CDKAL1: variants seen among roughly 807,000 people sequenced by gnomAD.
CDKAL1 encodes threonylcarbamoyladenosine tRNA methylthiotransferase.
Under a neutral mutation model 68.2 loss-of-function variants are expected in CDKAL1, and 32 were observed. The observed-to-expected ratio is 0.47, with a 90% CI of 0.35 to 0.63. CDKAL1 has a LOEUF of 0.63. Ranked by LOEUF, CDKAL1 falls within the 30% of genes least tolerant of loss-of-function variation. The probability of loss-of-function intolerance (pLI) is 0.00; values close to 1 mark genes in which losing one functional copy is unlikely to be tolerated. For missense variants in CDKAL1, 606 were observed against 696.7 expected (o/e 0.87, Z 1.47); for synonymous variants, 234 against 244.3 (o/e 0.96, Z 0.39).
chr6:20,703,138 A>G (rs920565015), intron 5 of CDKAL1, among the ~76,000 whole-genome samples: 8 of 152,242 alleles, frequency 5.3e-5, no homozygotes, highest in Non-Finnish European at 8.8e-5. Context: ...GCTTCCTCAT[A>G]GCTTGGGTTG....
At chr6:21,146,015 C>CA (rs1776149284) in intron 13 of CDKAL1, among the ~76,000 whole-genome samples, 1 of 152,300 alleles carries the variant, frequency 6.6e-6, no homozygotes, top group South Asian at 2.1e-4. Flanking sequence ...TAGAATGTAA[C>CA]ATTTTTTAAT....
chr6:21,196,412 C>A (rs1778472218), intron 13 of CDKAL1, among the ~76,000 whole-genome samples: 2 of 152,088 alleles, frequency 1.3e-5, no homozygotes, highest in African/African-American at 2.4e-5. Context: ...GGGGAAATTT[C>A]TTTTTTTACA....
chr6:20,911,635 G>A (rs1334274115), intron 9 of CDKAL1, among the ~76,000 whole-genome samples: 2 of 152,178 alleles, frequency 1.3e-5, no homozygotes, highest in Admixed American at 6.6e-5. Flanking sequence ...AATAAACATG[G>A]TTAAATTTAA....
chr6:20,635,281 C>T (rs1767854258), intron 4 of CDKAL1, among the ~76,000 whole-genome samples: 1 of 152,084 alleles, frequency 6.6e-6, no homozygotes, highest in African/African-American at 2.4e-5. Context: ...TCCCTTTTTA[C>T]TCCGGGTGGT....
At chr6:20,806,998 T>C (rs1776599596) in intron 8 of CDKAL1, among the ~76,000 whole-genome samples, 1 of 152,206 alleles carries the variant, frequency 6.6e-6, no homozygotes, top group African/African-American at 2.4e-5. Flanking sequence ...CGTCACTAGA[T>C]ACTGATGAAA....
At chr6:21,100,023 A>G (rs1383152490) in intron 12 of CDKAL1, among the ~76,000 whole-genome samples, 1 of 152,194 alleles carries the variant, frequency 6.6e-6, no homozygotes, top group East Asian at 1.9e-4. Context: ...ACATCACTGA[A>G]TTAACACAGA....
chr6:20,674,921 C>G (rs1770018361), intron 5 of CDKAL1, among the ~76,000 whole-genome samples: 1 of 152,146 alleles, frequency 6.6e-6, no homozygotes, highest in Admixed American at 6.5e-5. Flanking sequence ...AGAGTTTTAT[C>G]AGGTGTGAGT....
At chr6:21,083,839 A>C (rs1356341055) in intron 12 of CDKAL1, among the ~76,000 whole-genome samples, 1 of 152,124 alleles carries the variant, frequency 6.6e-6, no homozygotes, top group Non-Finnish European at 1.5e-5. Flanking sequence ...AATGTCCCTC[A>C]ATTTGAGTTT....
At chr6:20,846,281 A>G in intron 9 of CDKAL1, 103 bp downstream of exon 9, 2 of 655,294 alleles carry the variant, frequency 3.1e-6, no homozygotes, top group Non-Finnish European at 5.2e-6. Flanking sequence ...TAGTTTTCTG[A>G]AGAGTTTTAC....
At chr6:21,086,090 A>G (rs933371684) in intron 12 of CDKAL1, among the ~76,000 whole-genome samples, 4 of 152,110 alleles carry the variant, frequency 2.6e-5, no homozygotes, top group African/African-American at 9.7e-5. Context: ...GGTGTTTTAT[A>G]TATGTTGTTT....
At chr6:20,618,483 T>C (rs576780182) in intron 4 of CDKAL1, among the ~76,000 whole-genome samples, 6 of 152,308 alleles carry the variant, frequency 3.9e-5, no homozygotes, top group African/African-American at 1.4e-4. Context: ...CGTGAAGTCC[T>C]TGCCCATGCC....
At chr6:20,928,817 G>A (rs1014080831) in intron 9 of CDKAL1, among the ~76,000 whole-genome samples, 1 of 150,908 alleles carries the variant, frequency 6.6e-6, no homozygotes, top group Non-Finnish European at 1.5e-5. Flanking sequence ...ATAGACATGA[G>A]CCACTGTGTC....
At chr6:20,540,027 AAG>A (rs1429218004) in intron 2 of CDKAL1, among the ~76,000 whole-genome samples, 2 of 151,740 alleles carry the variant, frequency 1.3e-5, no homozygotes, top group Non-Finnish European at 2.9e-5. Context: ...GGGTGACAGA[AAG>A]AGGGGAGTGC....
intron 5 of CDKAL1, among the ~76,000 whole-genome samples, chr6:20,717,437 T>C (rs188908749): frequency 6.6e-6 from 1 of 151,654 alleles, no homozygotes; most frequent in East Asian, 2.0e-4. Flanking sequence ...TCAGGCTTAC[T>C]GGGGAGTGAG....
rs912728430 is a variant in CDKAL1 at position 21,044,756 on chromosome 6, T to TC, written c.1056-20287dup. Among the ~76,000 whole-genome samples the TC allele has an allele frequency of 5.5e-4, 83 of 152,102 alleles. 3 individuals carry two copies. The highest frequency in any genetic ancestry group is 1.9e-3 in the African/African-American group (78 of 41,544). On this transcript the variant is annotated intron_variant, in intron 11 of 15. Transcript: ENST00000274695. ...TCTAAACCTCTGTAAGCTAGACATA[T>TC]CCCCCTTCCTTCTCAGAAGGTTGTT...
intron 13 of CDKAL1, among the ~76,000 whole-genome samples, chr6:21,117,376 G>T (rs75875868): frequency 1.3e-4 from 20 of 150,690 alleles, no homozygotes; most frequent in Admixed American, 1.2e-3. Context: ...GTTGGTTCTC[G>T]CCTGTAATCC....
chr6:20,730,237 A>G (rs948843581), intron 5 of CDKAL1, among the ~76,000 whole-genome samples: 2 of 151,596 alleles, frequency 1.3e-5, no homozygotes, highest in African/African-American at 4.9e-5. Flanking sequence ...AGGCAGGAGA[A>G]TCACTTGAAC....
intron 9 of CDKAL1, among the ~76,000 whole-genome samples, chr6:20,942,905 A>C (rs1171258622): frequency 5.4e-5 from 8 of 147,670 alleles, no homozygotes; most frequent in African/African-American, 2.0e-4. Flanking sequence ...CAATGAGTGG[A>C]GATCACGCCA....
intron 10 of CDKAL1, among the ~76,000 whole-genome samples, chr6:20,974,501 G>C (rs1452620030): frequency 6.6e-6 from 1 of 152,160 alleles, no homozygotes; most frequent in African/African-American, 2.4e-5. Context: ...TCTTGTGATA[G>C]TGATTAATAT....
Sources: gnomAD v4.1 joint callset for allele counts (sites outside exome capture counted in the v4.1 genomes callset) on GRCh38, gnomAD v4.1.1 for gene constraint, MANE v1.5 for transcripts, NCBI Gene and HGNC (gene_info 2026-07-23, HGNC 2026-07-21) for gene names.